TAF15: variants seen among roughly 807,000 people sequenced by gnomAD.
The protein encoded by TAF15 is TATA-box binding protein associated factor 15.
Under a neutral mutation model 102.5 loss-of-function variants are expected in TAF15, and 37 were observed. The ratio of observed to expected loss-of-function variants is 0.36; its 90% confidence interval spans 0.28 to 0.47. The LOEUF (loss-of-function observed/expected upper bound fraction) is 0.47. TAF15 is among the 20% of genes least tolerant of loss of function. The probability of loss-of-function intolerance (pLI) is 0.99; values close to 1 mark genes in which losing one functional copy is unlikely to be tolerated. For missense variants in TAF15, 652 were observed against 760.7 expected, an observed-to-expected ratio of 0.86 and a Z score of 1.68; for synonymous variants, 273 against 259.2, an observed-to-expected ratio of 1.05 and a Z score of -0.51.
At chr17:35,845,836 GT>G (rs1366184847) in intron 15 of TAF15, among the ~76,000 whole-genome samples, 2 of 152,192 alleles carry the variant, frequency 1.3e-5, no homozygotes, top group African/African-American at 4.8e-5. Flanking sequence ...CGGTGTATCT[GT>G]GTATTATTTT....
intron 14 of TAF15, 31 bp from the exon 15 acceptor site, chr17:35,844,446 T>C (rs767081269): frequency 6.2e-7 from 1 of 1,613,530 alleles, no homozygotes; most frequent in Admixed American, 1.7e-5. Flanking sequence ...TTGTTTCTGC[T>C]GGCCTCATTG....
chr17:35,843,343 C>T (rs2087570742), intron 12 of TAF15, among the ~76,000 whole-genome samples: 3 of 152,096 alleles, frequency 2.0e-5, no homozygotes, highest in South Asian at 4.1e-4. Flanking sequence ...AGGCTGGTCT[C>T]GAACTCCCGA....
chr17:35,839,462 G>A (rs1391573890), intron 11 of TAF15, among the ~76,000 whole-genome samples: 3 of 139,454 alleles, frequency 2.2e-5, no homozygotes, highest in Non-Finnish European at 4.5e-5. Context: ...GCTCACTGCA[G>A]GCTCCGCCTC....
chr17:35,825,675 ATGGTGACCCATGCC>A (rs1321182680), intron 7 of TAF15, among the ~76,000 whole-genome samples: 1 of 152,212 alleles, frequency 6.6e-6, no homozygotes, highest in Non-Finnish European at 1.5e-5. Context: ...CTGGCCAGGC[ATGGTGACCCATGCC>A]TGTAATCCCA....
At chr17:35,821,984 A>G (rs1392397496) in intron 5 of TAF15, among the ~76,000 whole-genome samples, 1 of 152,138 alleles carries the variant, frequency 6.6e-6, no homozygotes, top group Non-Finnish European at 1.5e-5. Flanking sequence ...CTCTTGTGGC[A>G]TGTTTATTAA....
chr17:35,829,186 C>A (rs1568262447), intron 7 of TAF15, among the ~76,000 whole-genome samples: 2 of 152,092 alleles, frequency 1.3e-5, no homozygotes, highest in African/African-American at 2.4e-5. Flanking sequence ...TTTAAGCTAA[C>A]CTTTCTCCAT....
chr17:35,821,420 G>T (rs2087256504), intron 5 of TAF15, among the ~76,000 whole-genome samples: 1 of 152,192 alleles, frequency 6.6e-6, no homozygotes, highest in African/African-American at 2.4e-5. Flanking sequence ...AATATAGTCT[G>T]AAAAGAAATG....
At position 35,809,773 on chromosome 17, in the gene TAF15, G is replaced by C. The variant is rs2087103025; in HGVS notation, c.7+197G>C. 9.9e-6 allele frequency: 7 copies of C among 707,784 alleles called. No individual in the cohort carries two copies. In the South Asian group the frequency reaches 1.2e-4, roughly 12 times the overall value. 43.8% of individuals were successfully genotyped at this position (707,784 alleles called of 1,614,324 possible). A position where few individuals can be genotyped will look rare whatever the true frequency, so the allele number is the denominator to read the frequency against. On this transcript the variant is annotated intron_variant, in intron 1 of 15. Coordinates refer to ENST00000605844, the MANE Select transcript of TAF15 (RefSeq NM_139215.3). ...CAATGGCTCCCCGGCTGCAAATCAC[G>C]GCGGGAGCGCCTCGGGCCTCTTGTC...
chr17:35,829,631 C>CAAA lies in TAF15; in HGVS notation c.606-4253_606-4251dup, dbSNP rs746776421. Among the ~76,000 whole-genome samples, 66 of 33,062 alleles carry CAAA rather than the reference C, an allele frequency of 2.0e-3. 1 individual carries two copies. The highest frequency in any genetic ancestry group is 3.7e-3 in the African/African-American group (32 of 8,622). 21.7% of individuals were successfully genotyped at this position (33,062 alleles called of 152,430 possible). A position where few individuals can be genotyped will look rare whatever the true frequency, so the allele number is the denominator to read the frequency against. On this transcript the variant is annotated intron_variant, in intron 7 of 15. Transcript: ENST00000605844. Reference sequence around the variant, plus strand: ...TGGGAGACAGAGCGAGACTCCATCTCAAAAAAAAAAAAAAAAAAAAAAAAA... The same window carrying CAAA: ...TGGGAGACAGAGCGAGACTCCATCTCAAAAAAAAAAAAAAAAAAAAAAAAAAAA...
chr17:35,823,859 C>A (rs2087294060), intron 6 of TAF15: 1 of 619,164 alleles, frequency 1.6e-6, no homozygotes, highest in Non-Finnish European at 2.9e-6. Context: ...AGATACATTA[C>A]TGTTTTGCCA....
At chr17:35,833,870 TA>T in intron 7 of TAF15, 36 bp from the exon 8 acceptor site, 1 of 1,612,424 alleles carries the variant, frequency 6.2e-7, no homozygotes, top group Non-Finnish European at 8.5e-7. Context: ...ATTAGAGACT[TA>T]AGGAAGAAAT....
intron 7 of TAF15, among the ~76,000 whole-genome samples, chr17:35,829,829 G>T (rs1214815317): frequency 6.6e-6 from 1 of 151,990 alleles, no homozygotes; most frequent in Non-Finnish European, 1.5e-5. Context: ...TGGGGGAACT[G>T]TCTGTGTTTG....
chr17:35,834,736 A>ATTTAT (rs2087451188), intron 9 of TAF15, 138 bp downstream of exon 9: 13 of 239,348 alleles, frequency 5.4e-5, no homozygotes, highest in Non-Finnish European at 8.2e-5. Flanking sequence ...GGGGAGCTTT[A>ATTTAT]TTTCTTTTTT....
chr17:35,837,139 T>G (rs1376856414), intron 10 of TAF15, among the ~76,000 whole-genome samples: 1 of 152,094 alleles, frequency 6.6e-6, no homozygotes, highest in Non-Finnish European at 1.5e-5. Context: ...ACACAAAATA[T>G]GTAATTTTGT....
chr17:35,813,629 C>T lies in TAF15; in HGVS notation c.7+4053C>T, dbSNP rs1226123274. Among the ~76,000 whole-genome samples, 5 of 100,106 alleles carry T rather than the reference C, an allele frequency of 5.0e-5. No individual in the cohort carries two copies. In the East Asian group the frequency reaches 1.1e-3, roughly 23 times the overall value. The allele number at this position is 100,106 out of a possible 152,430, so 65.7% of individuals were successfully genotyped here. ...TCAGCCTTGGCAACAGAGCGAGACC[C>T]TGTCCCCCCCCCCCCGCAAAAAAAG... On this transcript the variant is annotated intron_variant, in intron 1 of 15. Transcript: ENST00000605844.
At chr17:35,824,335 A>C in intron 7 of TAF15, 137 bp downstream of exon 7, 8 of 1,175,924 alleles carry the variant, frequency 6.8e-6, no homozygotes, top group Non-Finnish European at 8.2e-6. Flanking sequence ...TTGGAGAAAA[A>C]GGCAGAAATT....
chr17:35,833,844 G>T, intron 7 of TAF15, 63 bp from the exon 8 acceptor site: 1 of 1,569,826 alleles, frequency 6.4e-7, no homozygotes, highest in Non-Finnish European at 8.8e-7. Flanking sequence ...TGTAGATTGA[G>T]CCCAGGGCTC....
chr17:35,838,257 TAG>T (rs1198985905), intron 10 of TAF15, among the ~76,000 whole-genome samples, 165 bp from the exon 11 acceptor site: 1 of 152,188 alleles, frequency 6.6e-6, no homozygotes, highest in African/African-American at 2.4e-5. Context: ...TAGTGTAGCT[TAG>T]AGAGTTATGC....
At chr17:35,820,133 G>A (rs765917718) in intron 3 of TAF15, 31 bp from the exon 4 acceptor site, 2 of 1,613,334 alleles carry the variant, frequency 1.2e-6, no homozygotes, top group Non-Finnish European at 8.5e-7. Context: ...TTAAGTAGGT[G>A]ATGAAACTTG....
Sources: gnomAD v4.1 joint callset for allele counts (sites outside exome capture counted in the v4.1 genomes callset) on GRCh38, gnomAD v4.1.1 for gene constraint, MANE v1.5 for transcripts, NCBI Gene and HGNC (gene_info 2026-07-23, HGNC 2026-07-21) for gene names.